The following TPPP variants were observed in gnomAD, a reference collection of about 807,000 sequenced individuals.
TPPP encodes tubulin polymerization promoting protein, also known as tubulin polymerization-promoting protein.
In TPPP, 6 loss-of-function variants were observed where a neutral mutation model predicts 15.5. The ratio of observed to expected loss-of-function variants is 0.39; its 90% CI spans 0.21 to 0.77. The LOEUF (loss-of-function observed/expected upper bound fraction) is 0.77. TPPP is among the 30% of genes least tolerant of loss of function. TPPP has a pLI of 0.42. For missense variants in TPPP, 269 were observed against 307.2 expected (o/e 0.88, Z 0.93); for synonymous variants, 146 against 133.9 (o/e 1.09, Z -0.63).
At chr5:665,690 C>A (rs1739870966) in intron 3 of TPPP, among the ~76,000 whole-genome samples, 1 of 128,512 alleles carries the variant, frequency 7.8e-6, no homozygotes, top group African/African-American at 3.0e-5. Context: ...CTCCCAGGAC[C>A]CACCCACCCC....
chr5:675,249 G>T (rs1294402499), intron 2 of TPPP, among the ~76,000 whole-genome samples: 1 of 92,990 alleles, frequency 1.1e-5, no homozygotes, highest in African/African-American at 4.9e-5. Flanking sequence ...AGTGCAGGGG[G>T]TACAGTGTGG....
intron 2 of TPPP, 65 bp downstream of exon 2, chr5:677,685 C>A: frequency 6.8e-7 from 1 of 1,460,312 alleles, no homozygotes. Flanking sequence ...AGAACCCACC[C>A]AGGGGCTCAG....
chr5:681,682 C>G (rs1740627785), intron 1 of TPPP, among the ~76,000 whole-genome samples: 2 of 152,120 alleles, frequency 1.3e-5, no homozygotes, highest in Non-Finnish European at 2.9e-5. Context: ...TCCCACCCAC[C>G]CCCAGCGCCT....
intron 2 of TPPP, among the ~76,000 whole-genome samples, chr5:667,806 CCCA>C (rs1739985763): frequency 7.1e-6 from 1 of 140,314 alleles, no homozygotes; most frequent in African/African-American, 2.7e-5. Context: ...CCGCGTGGGC[CCCA>C]TCAGGGAAGT....
intron 1 of TPPP, among the ~76,000 whole-genome samples, chr5:683,968 G>A (rs1304138825): frequency 2.4e-3 from 361 of 151,492 alleles, no homozygotes; most frequent in Admixed American, 3.9e-3. Flanking sequence ...CCTCCACCTC[G>A]GGCCGGCTGC....
intron 1 of TPPP, among the ~76,000 whole-genome samples, chr5:684,099 A>G (rs562643031): frequency 0.035 from 4,787 of 135,518 alleles, 39 homozygotes; most frequent in African/African-American, 0.055. Flanking sequence ...GTGCCTGCAG[A>G]TGGCAAAGCT....
intron 2 of TPPP, among the ~76,000 whole-genome samples, chr5:667,894 G>A (rs1388851188): frequency 1.2e-5 from 1 of 82,010 alleles, no homozygotes; most frequent in South Asian, 3.7e-4. Context: ...AGAGGGGGCC[G>A]TGTGGGCGCC....
intron 2 of TPPP, among the ~76,000 whole-genome samples, chr5:672,584 G>A (rs563028985): frequency 6.6e-6 from 1 of 152,342 alleles, no homozygotes; most frequent in South Asian, 2.1e-4. Flanking sequence ...CTCGCCCAGA[G>A]GCTGGTGGTG....
intron 2 of TPPP, among the ~76,000 whole-genome samples, chr5:673,878 T>A (rs1740309031): frequency 6.6e-6 from 1 of 152,216 alleles, no homozygotes; most frequent in South Asian, 2.1e-4. Context: ...CCCATCATTC[T>A]CCAAATGAGC....
chr5:685,861 C>T (rs2126911548), intron 1 of TPPP, among the ~76,000 whole-genome samples: 1 of 152,202 alleles, frequency 6.6e-6, no homozygotes, highest in South Asian at 2.1e-4. Context: ...GAGTGGGAGA[C>T]TCAGGATTAA....
At chr5:666,183 C>A in intron 2 of TPPP, 60 bp from the exon 3 acceptor site, 1 of 1,575,596 alleles carries the variant, frequency 6.3e-7, no homozygotes. Context: ...GCCCTCCCCA[C>A]GCGTGGGTCT....
intron 2 of TPPP, among the ~76,000 whole-genome samples, chr5:668,936 C>T (rs1010701167): frequency 6.1e-4 from 93 of 152,184 alleles, no homozygotes; most frequent in African/African-American, 2.0e-3. Flanking sequence ...GGGTGATTCC[C>T]AGACCCCAAG....
At chr5:684,162 A>G (rs1310535205) in intron 1 of TPPP, among the ~76,000 whole-genome samples, 12 of 151,944 alleles carry the variant, frequency 7.9e-5, no homozygotes, top group Admixed American at 2.6e-4. Flanking sequence ...TTCCACCTTG[A>G]CGCCGAAGCC....
intron 2 of TPPP, among the ~76,000 whole-genome samples, chr5:670,075 C>CT (rs1740156224): frequency 1.4e-5 from 2 of 138,062 alleles, no homozygotes; most frequent in Admixed American, 7.4e-5. Context: ...TTCCCAGGCT[C>CT]TGAGTCCCCT....
At chr5:668,204 TACC>T (rs2126872863) in intron 2 of TPPP, among the ~76,000 whole-genome samples, 3 of 116,572 alleles carry the variant, frequency 2.6e-5, no homozygotes, top group African/African-American at 6.5e-5. Flanking sequence ...GTCAGGGAAG[TACC>T]GACAAGCACA....
intron 2 of TPPP, 28 bp from the exon 3 acceptor site, chr5:666,151 G>A (rs763629553): frequency 6.5e-7 from 1 of 1,539,098 alleles, no homozygotes; most frequent in South Asian, 1.1e-5. Flanking sequence ...ACTTAGGGCT[G>A]GGCGCGGGCC....
upstream of TPPP, among the ~76,000 whole-genome samples, chr5:696,062 C>T (rs1346289683): frequency 3.5e-5 from 3 of 86,108 alleles, no homozygotes; most frequent in African/African-American, 1.8e-4. Flanking sequence ...GGGACAAGCC[C>T]CTGCTGCCTG....
upstream of TPPP, among the ~76,000 whole-genome samples, chr5:696,417 A>C (rs1741011973): frequency 6.9e-6 from 1 of 144,208 alleles, no homozygotes; most frequent in South Asian, 2.3e-4. Flanking sequence ...TCAGGTGTCC[A>C]CCCACCCCTG....
At chr5:675,230 TG>T (rs1580087407) in intron 2 of TPPP, among the ~76,000 whole-genome samples, 6 of 16,060 alleles carry the variant, frequency 3.7e-4, no homozygotes, top group South Asian at 2.6e-3. Flanking sequence ...GCAGTGTGGC[TG>T]GGGGTGCAGT....
Sources: allele counts gnomAD v4.1 joint callset (sites outside exome capture counted in the v4.1 genomes callset), GRCh38; gene constraint gnomAD v4.1.1; transcripts MANE v1.5; gene names NCBI Gene and HGNC (gene_info 2026-07-23, HGNC 2026-07-21).